YWHAG: variants seen among roughly 807,000 people sequenced by gnomAD.
YWHAG encodes the protein tyrosine 3-monooxygenase/tryptophan 5-monooxygenase activation protein gamma, also known as 14-3-3 protein gamma.
YWHAG carries 1 observed loss-of-function variant against 23.3 expected under a neutral mutation model. That is an observed-to-expected ratio of 0.04 (90% CI 0.02 to 0.20). YWHAG has a LOEUF of 0.20. YWHAG is among the 10% of genes least tolerant of loss of function. The pLI is 1.00. For missense variants in YWHAG, 151 were observed against 338.6 expected (o/e 0.45, Z 4.35); for synonymous variants, 160 against 144.0 (o/e 1.11, Z -0.80).
At chr7:76,339,860 G>T (rs566831461) in intron 1 of YWHAG, among the ~76,000 whole-genome samples, 1 of 152,050 alleles carries the variant, frequency 6.6e-6, no homozygotes, top group African/African-American at 2.4e-5. Flanking sequence ...AGGCCAAGGC[G>T]GGTGAATTGC....
chr7:76,335,271 T>A (rs547461236), intron 1 of YWHAG, among the ~76,000 whole-genome samples: 1 of 152,246 alleles, frequency 6.6e-6, no homozygotes, highest in East Asian at 1.9e-4. Context: ...TTGGCCAGGA[T>A]GGTCTTGATC....
intron 1 of YWHAG, among the ~76,000 whole-genome samples, chr7:76,337,535 A>AT (rs1299444317): frequency 0.041 from 5,652 of 139,098 alleles, 386 homozygotes; most frequent in African/African-American, 0.13. Context: ...CCCTTTGCTA[A>AT]TTTTTTTTTT....
intron 1 of YWHAG, among the ~76,000 whole-genome samples, chr7:76,353,939 A>G (rs1803911005): frequency 6.6e-6 from 1 of 151,440 alleles, no homozygotes; most frequent in Admixed American, 6.6e-5. Context: ...CAGGTGTGGT[A>G]GCATGCTCCT....
At chr7:76,348,468 C>A (rs2115639207) in intron 1 of YWHAG, among the ~76,000 whole-genome samples, 1 of 147,870 alleles carries the variant, frequency 6.8e-6, no homozygotes, top group South Asian at 2.2e-4. Flanking sequence ...GTTGCCCAGG[C>A]TGGAGTGCAG....
At chr7:76,333,586 G>A (rs950822404) in intron 1 of YWHAG, among the ~76,000 whole-genome samples, 94 of 152,178 alleles carry the variant, frequency 6.2e-4, no homozygotes, top group African/African-American at 2.1e-3. Flanking sequence ...TATATTAAGC[G>A]GAAACTGCCT....
intron 1 of YWHAG, among the ~76,000 whole-genome samples, chr7:76,339,467 C>T (rs1457771852): frequency 1.3e-5 from 2 of 151,910 alleles, no homozygotes; most frequent in Non-Finnish European, 1.5e-5. Context: ...AAGATTACAT[C>T]TCAAAAAATA....
At chr7:76,353,315 T>C (rs566532730) in intron 1 of YWHAG, among the ~76,000 whole-genome samples, 4 of 152,244 alleles carry the variant, frequency 2.6e-5, no homozygotes, top group African/African-American at 9.6e-5. Flanking sequence ...CAGGTTCAAG[T>C]AATTCTCCGG....
intron 1 of YWHAG, among the ~76,000 whole-genome samples, chr7:76,358,316 G>C (rs546895952): frequency 6.6e-6 from 1 of 152,314 alleles, no homozygotes; most frequent in South Asian, 2.1e-4. Context: ...GGGAGAGAAA[G>C]AGGAACCGCA....
At chr7:76,333,358 C>G (rs1441503361) in intron 1 of YWHAG, among the ~76,000 whole-genome samples, 1 of 152,196 alleles carries the variant, frequency 6.6e-6, no homozygotes, top group Admixed American at 6.5e-5. Flanking sequence ...CCACCTTGGC[C>G]GCTCAGAGTG....
intron 1 of YWHAG, among the ~76,000 whole-genome samples, chr7:76,337,881 G>A (rs1366919206): frequency 6.6e-6 from 1 of 152,160 alleles, no homozygotes; most frequent in Non-Finnish European, 1.5e-5. Flanking sequence ...AAAAACTGCA[G>A]CCATGAGTAC....
chr7:76,350,065 C>T (rs1803851808), intron 1 of YWHAG, among the ~76,000 whole-genome samples: 1 of 152,072 alleles, frequency 6.6e-6, no homozygotes, highest in Non-Finnish European at 1.5e-5. Context: ...GATAAAAGAC[C>T]GATGTGCTGA....
At chr7:76,341,128 C>T (rs964810180) in intron 1 of YWHAG, among the ~76,000 whole-genome samples, 2 of 152,202 alleles carry the variant, frequency 1.3e-5, no homozygotes, top group Non-Finnish European at 2.9e-5. Context: ...AGGGTTGGCT[C>T]ATGCCTGTAA....
chr7:76,352,738 C>T (rs1803894734), intron 1 of YWHAG, among the ~76,000 whole-genome samples: 1 of 152,044 alleles, frequency 6.6e-6, no homozygotes, highest in Non-Finnish European at 1.5e-5. Context: ...CAACCTCTGC[C>T]TCTTGGGTTC....
intron 1 of YWHAG, among the ~76,000 whole-genome samples, chr7:76,358,475 TCGCCCCGGCCCGCGCC>T (rs1356652982): frequency 5.3e-5 from 8 of 151,594 alleles, no homozygotes; most frequent in Non-Finnish European, 1.0e-4. Flanking sequence ...CCGCGGGACC[TCGCCCCGGCCCGCGCC>T]CGCGCCGGGC....
At position 76,327,296 on chromosome 7, in the gene YWHAG, TAA is replaced by T. The variant is rs1234388463; in HGVS notation, c.*2279_*2280del. 6.6e-6 allele frequency: 1 copy of T among 151,888 alleles called. No homozygotes were observed. The allele number at this position is 151,888 out of a possible 1,614,324, so 9.4% of individuals were successfully genotyped here. On this transcript the variant is annotated 3_prime_UTR_variant, in exon 2 of 2. Coordinates refer to ENST00000307630, the MANE Select transcript of YWHAG (RefSeq NM_012479.4). Reference sequence around the variant, plus strand: ...ATAGGAATACATAACACCTACAGTATAAGTTAATCAATTTCAAGCTACTGTAT... The same window carrying T: ...ATAGGAATACATAACACCTACAGTATGTTAATCAATTTCAAGCTACTGTAT...
chr7:76,329,489 T>TTGC lies in YWHAG; in HGVS notation c.*87_*88insGCA. 1 of 1,024,228 alleles carries TTGC rather than the reference T, an allele frequency of 9.8e-7. No homozygotes were observed. Among genetic ancestry groups the TTGC allele is most frequent in the Non-Finnish European group, 1.4e-6 (1 of 740,082 alleles). 63.4% of individuals were successfully genotyped at this position (1,024,228 alleles called of 1,614,324 possible). On this transcript the variant is annotated 3_prime_UTR_variant, in exon 2 of 2. Transcript: ENST00000307630. The surrounding 1 kb of genome is among the most constrained non-coding windows in gnomAD (Gnocchi z 6.1). ...TCCCTGGGAAGGTCATCCCTCCCTTTCCCTCCCCCACCCGACCCCCAACTC... is the reference window on the plus strand; with the variant it reads ...TCCCTGGGAAGGTCATCCCTCCCTTTTGCCCCTCCCCCACCCGACCCCCAACTC...
At chr7:76,342,002 G>A (rs1261228954) in intron 1 of YWHAG, among the ~76,000 whole-genome samples, 3 of 152,084 alleles carry the variant, frequency 2.0e-5, no homozygotes, top group Non-Finnish European at 4.4e-5. Flanking sequence ...TATAAAATTC[G>A]AAATACTTGA....
intron 1 of YWHAG, among the ~76,000 whole-genome samples, chr7:76,348,480 G>A (rs1318326119): frequency 1.4e-5 from 2 of 147,568 alleles, no homozygotes; most frequent in East Asian, 4.0e-4. Flanking sequence ...GGAGTGCAGT[G>A]CAAGCTGCGC....
In YWHAG at chr7:76,329,550, G is replaced by A. The variant is rs375522382; in HGVS notation, c.*27C>T. Reference sequence around the variant, plus strand: ...AATAAAGACTGCAGTAGTAGCATCCGCGTGCGCTGCCAGTTCCCCTGGGGC... The same window carrying A: ...AATAAAGACTGCAGTAGTAGCATCCACGTGCGCTGCCAGTTCCCCTGGGGC... On this transcript the variant is annotated 3_prime_UTR_variant, in exon 2 of 2. Coordinates refer to ENST00000307630, the MANE Select transcript of YWHAG (RefSeq NM_012479.4). This position sits in a 1 kb window ranked among gnomAD's most constrained non-coding sequence, Gnocchi z 6.1. The A allele has an allele frequency of 4.9e-5, 66 of 1,352,498 alleles. No homozygotes were observed. The highest frequency in any genetic ancestry group is 2.1e-4 in the Admixed American group (10 of 47,138). 83.8% of individuals were successfully genotyped at this position (1,352,498 alleles called of 1,614,324 possible). A position where few individuals can be genotyped will look rare whatever the true frequency, so the allele number is the denominator to read the frequency against.
Sources: gnomAD v4.1 joint callset for allele counts (sites outside exome capture counted in the v4.1 genomes callset) on GRCh38, gnomAD v4.1.1 for gene constraint, Gnocchi (gnomAD v3.1) non-coding constraint, MANE v1.5 for transcripts, NCBI Gene and HGNC (gene_info 2026-07-23, HGNC 2026-07-21) for gene names.